Variants in VEGFC observed in about 807,000 individuals in gnomAD.
The protein encoded by VEGFC is FLT4 ligand DHM.
In VEGFC, 12 loss-of-function variants were observed where a neutral mutation model predicts 46.1. That is an observed-to-expected ratio of 0.26 (90% CI 0.17 to 0.42). The LOEUF (loss-of-function observed/expected upper bound fraction) is 0.42, where lower values mean the gene tolerates loss of function less well. VEGFC is among the 10% of genes least tolerant of loss of function. The pLI is 1.00. For synonymous variants in VEGFC, 232 were observed against 195.5 expected (o/e 1.19, Z -1.56); for missense variants, 488 against 529.4 (o/e 0.92, Z 0.77).
At chr4:176,763,900 C>A (rs555440241) in intron 1 of VEGFC, among the ~76,000 whole-genome samples, 2 of 151,830 alleles carry the variant, frequency 1.3e-5, no homozygotes, top group South Asian at 4.2e-4. Context: ...TTCAATGGAA[C>A]GGTATCTCAA....
chr4:176,771,087 T>C (rs1327237726), intron 1 of VEGFC, among the ~76,000 whole-genome samples: 2 of 152,144 alleles, frequency 1.3e-5, no homozygotes, highest in Non-Finnish European at 2.9e-5. Context: ...AAATTCTACT[T>C]TGAAAACAAG....
chr4:176,758,301 C>T (rs1735468524), intron 1 of VEGFC, among the ~76,000 whole-genome samples: 1 of 152,076 alleles, frequency 6.6e-6, no homozygotes, highest in Non-Finnish European at 1.5e-5. Context: ...CTCAGTTTTT[C>T]TTAATAAAGT....
chr4:176,703,193 T>A (rs1487985375), intron 4 of VEGFC, among the ~76,000 whole-genome samples: 2 of 152,084 alleles, frequency 1.3e-5, no homozygotes, highest in Non-Finnish European at 2.9e-5. Context: ...AACTTTTTTG[T>A]TTTGTTTTTG....
intron 1 of VEGFC, among the ~76,000 whole-genome samples, chr4:176,751,060 TA>T (rs1230825977): frequency 2.0e-5 from 3 of 151,754 alleles, no homozygotes; most frequent in Non-Finnish European, 4.4e-5. Flanking sequence ...TATTAAAAAC[TA>T]TAAGACTGAG....
intron 1 of VEGFC, among the ~76,000 whole-genome samples, chr4:176,768,787 C>T (rs2110923407): frequency 6.6e-6 from 1 of 152,020 alleles, no homozygotes; most frequent in Admixed American, 6.6e-5. Flanking sequence ...TGAAAGTATT[C>T]AAACCAGCCA....
At chr4:176,724,379 T>C (rs985788601) in intron 3 of VEGFC, among the ~76,000 whole-genome samples, 2 of 152,198 alleles carry the variant, frequency 1.3e-5, no homozygotes, top group African/African-American at 4.8e-5. Context: ...TGGTAGGCAC[T>C]GGGATAAGTA....
chr4:176,713,887 CAT>C (rs1250033638), intron 3 of VEGFC, among the ~76,000 whole-genome samples: 4 of 152,108 alleles, frequency 2.6e-5, no homozygotes, highest in African/African-American at 9.7e-5. Context: ...CACAGGGCCA[CAT>C]GTCTTCGGGA....
At chr4:176,735,267 T>A (rs1286820707) in intron 1 of VEGFC, among the ~76,000 whole-genome samples, 3 of 151,960 alleles carry the variant, frequency 2.0e-5, no homozygotes, top group African/African-American at 4.8e-5. Flanking sequence ...TAGATATTTT[T>A]AAAATATTGT....
rs575297648 is a variant in VEGFC, at chr4:176,789,814, G to A, written c.147+2351C>T. 4.5e-4 allele frequency among the ~76,000 whole-genome samples: 68 copies of A among 152,208 alleles called. 1 individual carries two copies. The highest frequency in any genetic ancestry group is 1.4e-3 in the African/African-American group (60 of 41,526). On this transcript the variant is annotated intron_variant, in intron 1 of 6. Coordinates refer to ENST00000618562, the MANE Select transcript of VEGFC (RefSeq NM_005429.5). Reference sequence around the variant, plus strand: ...CCTACAATCTTTTGCATGGCTTTACGGGTGGGCTGAAGGGCTGGATGGCTA... The same window carrying A: ...CCTACAATCTTTTGCATGGCTTTACAGGTGGGCTGAAGGGCTGGATGGCTA...
chr4:176,727,358 C>T (rs930435562), intron 3 of VEGFC, among the ~76,000 whole-genome samples: 4 of 152,194 alleles, frequency 2.6e-5, no homozygotes, highest in African/African-American at 7.2e-5. Flanking sequence ...ACAGAACACA[C>T]GCATTTAATT....
At chr4:176,771,436 A>G (rs534059324) in intron 1 of VEGFC, among the ~76,000 whole-genome samples, 2 of 152,336 alleles carry the variant, frequency 1.3e-5, no homozygotes, top group South Asian at 2.1e-4. Flanking sequence ...TTTAACACAT[A>G]TATGATTATG....
At chr4:176,695,958 A>G (rs995099886) in intron 4 of VEGFC, among the ~76,000 whole-genome samples, 1 of 149,178 alleles carries the variant, frequency 6.7e-6, no homozygotes, top group African/African-American at 2.5e-5. Context: ...AACTCTCAAT[A>G]AATTAGGTAT....
intron 1 of VEGFC, among the ~76,000 whole-genome samples, chr4:176,740,026 A>G (rs541463219): frequency 6.5e-5 from 7 of 107,876 alleles, no homozygotes; most frequent in African/African-American, 2.3e-4. Flanking sequence ...TATATTCGAT[A>G]TATCGAATAT....
Position 176,687,399 on chromosome 4 carries a change from G to A in VEGFC, c.933C>T (p.Asp311=), listed in dbSNP as rs763455051. 7.4e-6 allele frequency: 12 copies of A among 1,614,156 alleles called. No homozygotes were observed. The highest frequency in any genetic ancestry group is 1.0e-5 in the Non-Finnish European group (12 of 1,180,018). Residue 311 remains aspartate, a synonymous_variant, in exon 6 of 7, where the codon GAC becomes GAT. Transcript: ENST00000618562. ...TACAGACACACTGGCATGAGTTTCT[G>A]TCTAGTTCTTTGTGGGGTCCACAGC... The part of the protein sequence containing the change: ...PASCGPHKEL[D]RNSCQCVCKN...
intron 3 of VEGFC, among the ~76,000 whole-genome samples, chr4:176,715,226 G>C (rs1367524494): frequency 6.6e-6 from 1 of 152,126 alleles, no homozygotes. Context: ...GCTGAATTCA[G>C]TTAATTTTGT....
At chr4:176,752,184 C>G (rs1305918392) in intron 1 of VEGFC, among the ~76,000 whole-genome samples, 1 of 151,800 alleles carries the variant, frequency 6.6e-6, no homozygotes, top group South Asian at 2.1e-4. Flanking sequence ...AAATTGAAGG[C>G]CTTCATGGAG....
chr4:176,727,920 C>T lies in VEGFC; in HGVS notation c.410G>A (p.Cys137Tyr). Residue 137 changes from cysteine to tyrosine, a missense_variant, in exon 3 of 7, where the codon TGT (cysteine) becomes TAT (tyrosine). Physicochemically the swap from Cys to Tyr is radical, Grantham distance 194. Transcript: ENST00000618562. The part of the protein sequence containing the change: ...RKTQCMPREV[C>Y]IDVGKEFGVA... The stretch of plus-strand genomic sequence containing the variant: ...TCCAAACTCCTTCCCCACATCTATA[C>T]ACACCTCCCGTGGCATGCATTGAGT... 1 of 1,613,600 alleles carries T rather than the reference C, an allele frequency of 6.2e-7. No homozygotes were observed.
rs1239519026 is a variant in VEGFC, at chr4:176,692,560, G to T, written c.705-4633C>A. On this transcript the variant is annotated intron_variant, in intron 4 of 6. Coordinates refer to ENST00000618562, the MANE Select transcript of VEGFC (RefSeq NM_005429.5). ...CAATGAGGCTGGGGGAGGGACGCCC[G>T]CCATTGCCCAGGCTTGATTAGGTAA... Among the ~76,000 whole-genome samples, 8 of 134,484 alleles carry T rather than the reference G, an allele frequency of 5.9e-5. 1 individual carries two copies. Among genetic ancestry groups the T allele is most frequent in the East Asian group, 2.0e-4 (1 of 5,024 alleles). The allele number at this position is 134,484 out of a possible 152,430, so 88.2% of individuals were successfully genotyped here.
At chr4:176,703,318 T>C (rs1415675354) in intron 4 of VEGFC, among the ~76,000 whole-genome samples, 1 of 152,064 alleles carries the variant, frequency 6.6e-6, no homozygotes, top group Non-Finnish European at 1.5e-5. Flanking sequence ...ATCCTGTCAT[T>C]TGCATCAACA....
Sources: gnomAD v4.1 joint callset for allele counts (sites outside exome capture counted in the v4.1 genomes callset) on GRCh38, gnomAD v4.1.1 for gene constraint, MANE v1.5 for transcripts, NCBI Gene and HGNC (gene_info 2026-07-23, HGNC 2026-07-21) for gene names.